SUCNR1: variants seen among roughly 807,000 people sequenced by gnomAD.
The protein encoded by SUCNR1 is G-protein coupled receptor 91.
In SUCNR1, 5 loss-of-function variants were observed where a neutral mutation model predicts 2.4. That is an observed-to-expected ratio of 2.07 (90% CI 1.08 to 4.36). SUCNR1 has a LOEUF of 4.36. SUCNR1 is among the 30% of genes most tolerant of loss of function. The probability of loss-of-function intolerance (pLI) is 0.00; values close to 1 mark genes in which losing one functional copy is unlikely to be tolerated. For synonymous variants in SUCNR1, 162 were observed against 143.9 expected (o/e 1.13, Z -0.90); for missense variants, 373 against 399.2 (o/e 0.93, Z 0.56).
intron 1 of SUCNR1, among the ~76,000 whole-genome samples, chr3:151,875,232 C>T (rs1717888204): frequency 6.6e-6 from 1 of 151,844 alleles, no homozygotes; most frequent in Non-Finnish European, 1.5e-5. Context: ...TTTCCATTTC[C>T]TAAAAATTAA....
In SUCNR1 at chr3:151,874,146, ATTTTTTTTT is replaced by A. The variant is rs56678758; in HGVS notation, c.-42+456_-42+464del. ...CATACATATATATATATATATATAT[ATTTTTTTTT>A]TTTTTTTTTTTTTTTAAGACAGAGT... On this transcript the variant is annotated intron_variant, in intron 1 of 2. Coordinates refer to ENST00000362032, the MANE Select transcript of SUCNR1 (RefSeq NM_033050.6). Among the ~76,000 whole-genome samples, 180 of 60,218 alleles carry A rather than the reference ATTTTTTTTT, an allele frequency of 3.0e-3. 2 individuals carry two copies. The highest frequency in any genetic ancestry group is 8.6e-3 in the South Asian group (12 of 1,402). 39.5% of individuals were successfully genotyped at this position (60,218 alleles called of 152,430 possible).
At chr3:151,878,962 T>C (rs978224307) in intron 1 of SUCNR1, among the ~76,000 whole-genome samples, 8 of 152,176 alleles carry the variant, frequency 5.3e-5, no homozygotes, top group African/African-American at 1.9e-4. Context: ...TTTAGGTGCA[T>C]TTATTCTTAT....
At position 151,883,154 on chromosome 3, in the gene SUCNR1, C is replaced by T. The variant is rs1360752755; in HGVS notation, c.*1606C>T. Reference sequence around the variant, plus strand: ...CACCAGGCTTTAAGATATTTTCTGCCATGCCTTGCCTTTAGTATCAATATT... The same window carrying T: ...CACCAGGCTTTAAGATATTTTCTGCTATGCCTTGCCTTTAGTATCAATATT... On this transcript the variant is annotated 3_prime_UTR_variant, in exon 3 of 3. Transcript: ENST00000362032. 1 of 151,844 alleles carries T rather than the reference C, an allele frequency of 6.6e-6. No homozygotes were observed. Among genetic ancestry groups the T allele is most frequent in the East Asian group, 1.9e-4 (1 of 5,198 alleles). The allele number at this position is 151,844 out of a possible 1,614,324, so 9.4% of individuals were successfully genotyped here.
intron 1 of SUCNR1, among the ~76,000 whole-genome samples, chr3:151,876,507 AAAT>A (rs1717928371): frequency 6.6e-6 from 1 of 152,130 alleles, no homozygotes; most frequent in Non-Finnish European, 1.5e-5. Flanking sequence ...AGGAGAAAGG[AAAT>A]AATAAAAACT....
chr3:151,874,796 T>C (rs934722608), intron 1 of SUCNR1, among the ~76,000 whole-genome samples: 5 of 152,082 alleles, frequency 3.3e-5, no homozygotes, highest in Non-Finnish European at 5.9e-5. Flanking sequence ...TGAATATATA[T>C]TTTTGCTCAA....
chr3:151,879,158 T>C (rs538000849), intron 1 of SUCNR1, among the ~76,000 whole-genome samples: 1 of 152,324 alleles, frequency 6.6e-6, no homozygotes, highest in African/African-American at 2.4e-5. Context: ...ATTAAAGTTC[T>C]TGAAATACCC....
intron 1 of SUCNR1, among the ~76,000 whole-genome samples, chr3:151,874,146 ATTTTTTTTTTTT>A (rs56678758): frequency 1.7e-5 from 1 of 60,214 alleles, no homozygotes; most frequent in Non-Finnish European, 3.0e-5. Context: ...ATATATATAT[ATTTTTTTTTTTT>A]TTTTTTTTTT....
chr3:151,879,274 G>C (rs1014989280), intron 1 of SUCNR1, among the ~76,000 whole-genome samples: 2 of 152,178 alleles, frequency 1.3e-5, no homozygotes, highest in African/African-American at 4.8e-5. Context: ...TACATATTCA[G>C]AAGGCATTAC....
At position 151,884,481 on chromosome 3, in the gene SUCNR1, T is replaced by C. The variant is rs1304775356; in HGVS notation, c.*2933T>C. ...CTGTTTCTCTATATGCCTAGTAAAT[T>C]AGAATTTTATTCTAGATGATGAATA... On this transcript the variant is annotated 3_prime_UTR_variant, in exon 3 of 3. Coordinates refer to ENST00000362032, the MANE Select transcript of SUCNR1 (RefSeq NM_033050.6). 1 of 152,242 alleles carries C rather than the reference T, an allele frequency of 6.6e-6. No homozygotes were observed. Among genetic ancestry groups the C allele is most frequent in the Non-Finnish European group, 1.5e-5 (1 of 68,044 alleles). 9.4% of individuals were successfully genotyped at this position (152,242 alleles called of 1,614,324 possible). A position where few individuals can be genotyped will look rare whatever the true frequency, so the allele number is the denominator to read the frequency against.
chr3:151,877,744 A>G (rs1369132305), intron 1 of SUCNR1, among the ~76,000 whole-genome samples: 1 of 152,276 alleles, frequency 6.6e-6, no homozygotes, highest in East Asian at 1.9e-4. Flanking sequence ...CATCTGAGAG[A>G]AATCAATCAA....
chr3:151,880,145 C>T (rs555916318), intron 2 of SUCNR1, among the ~76,000 whole-genome samples: 4 of 152,258 alleles, frequency 2.6e-5, no homozygotes, highest in African/African-American at 4.8e-5. Flanking sequence ...TCCCTTATCA[C>T]CACATATAAA....
chr3:151,877,224 G>A (rs1310425524), intron 1 of SUCNR1, among the ~76,000 whole-genome samples: 1 of 152,134 alleles, frequency 6.6e-6, no homozygotes, highest in Non-Finnish European at 1.5e-5. Flanking sequence ...GGAGAGTAAT[G>A]CCAAGCAAAA....
chr3:151,875,357 C>T (rs1372735656), intron 1 of SUCNR1, among the ~76,000 whole-genome samples: 1 of 151,892 alleles, frequency 6.6e-6, no homozygotes, highest in African/African-American at 2.4e-5. Flanking sequence ...TATAGAATTG[C>T]GATGCCACAC....
intron 1 of SUCNR1, among the ~76,000 whole-genome samples, chr3:151,876,616 AT>A (rs1717931786): frequency 6.6e-6 from 1 of 152,142 alleles, no homozygotes; most frequent in Non-Finnish European, 1.5e-5. Flanking sequence ...TCATTTCTTA[AT>A]TAAATGCTTC....
rs1470998253 is a variant in SUCNR1 at position 151,883,421 on chromosome 3, C to T, written c.*1873C>T. 1 of 144,144 alleles carries T rather than the reference C, an allele frequency of 6.9e-6. No homozygotes were observed. Among genetic ancestry groups the T allele is most frequent in the Non-Finnish European group, 1.5e-5 (1 of 66,512 alleles). The allele number at this position is 144,144 out of a possible 1,614,324, so 8.9% of individuals were successfully genotyped here. ...CTCCAAGAAGTCACAGGAATAGACT[C>T]TTTCTAATAGTGCAGTGAAATATTT... On this transcript the variant is annotated 3_prime_UTR_variant, in exon 3 of 3. Coordinates refer to ENST00000362032, the MANE Select transcript of SUCNR1 (RefSeq NM_033050.6).
intron 1 of SUCNR1, among the ~76,000 whole-genome samples, chr3:151,877,280 A>T (rs1159443342): frequency 6.6e-6 from 1 of 152,158 alleles, no homozygotes; most frequent in Non-Finnish European, 1.5e-5. Flanking sequence ...TGATGTCCCC[A>T]TTAAGGATTT....
In SUCNR1 at chr3:151,881,532, C is replaced by A. The variant is rs541790123; in HGVS notation, c.989C>A (p.Ser330Ter). The A allele has an allele frequency of 6.3e-7, 1 of 1,596,620 alleles. No individual in the cohort carries two copies. The highest frequency in any genetic ancestry group is 1.8e-5 in the Admixed American group (1 of 56,302). ...AGATGGGCTCATGAACTCCTACTTT[C>A]ATTCAGAGAAAAGTGAGGGGCTTGT... ...FSRWAHELLL[S>*]FREK Residue 330 changes from serine to a stop codon, truncating the protein, a stop_gained, in exon 3 of 3, where the codon TCA (serine) becomes TAA (stop). Coordinates refer to ENST00000362032, the MANE Select transcript of SUCNR1 (RefSeq NM_033050.6). LOFTEE classifies it high-confidence loss of function.
At chr3:151,880,308 C>A (rs901833640) in intron 2 of SUCNR1, among the ~76,000 whole-genome samples, 1 of 152,096 alleles carries the variant, frequency 6.6e-6, no homozygotes, top group Non-Finnish European at 1.5e-5. Flanking sequence ...AGATTAGGAA[C>A]TTTGATTTAT....
chr3:151,878,896 A>G (rs1421864709), intron 1 of SUCNR1, among the ~76,000 whole-genome samples: 1 of 152,238 alleles, frequency 6.6e-6, no homozygotes. Flanking sequence ...TGAGTTTTCC[A>G]GATGCCTTAT....
Sources: allele counts gnomAD v4.1 joint callset (sites outside exome capture counted in the v4.1 genomes callset), GRCh38; gene constraint gnomAD v4.1.1; transcripts MANE v1.5; gene names NCBI Gene and HGNC (gene_info 2026-07-23, HGNC 2026-07-21).